Variants in TGFBR2 observed in about 807,000 individuals in gnomAD.
The protein encoded by TGFBR2 is transforming growth factor beta receptor 2.
TGFBR2 carries 18 observed loss-of-function variants against 49.0 expected under a neutral mutation model. The ratio of observed to expected loss-of-function variants is 0.37; its 90% CI spans 0.25 to 0.54. The LOEUF is 0.54. Ranked by LOEUF, TGFBR2 falls within the 20% of genes least tolerant of loss-of-function variation. The pLI, the probability that TGFBR2 is intolerant of heterozygous loss-of-function variation, is 0.85. For synonymous variants in TGFBR2, 282 were observed against 275.9 expected, an observed-to-expected ratio of 1.02 and a Z score of -0.22; for missense variants, 525 against 722.6, an observed-to-expected ratio of 0.73 and a Z score of 3.13.
At chr3:30,654,860 T>C (rs1253585407) in intron 3 of TGFBR2, among the ~76,000 whole-genome samples, 2 of 152,250 alleles carry the variant, frequency 1.3e-5, no homozygotes, top group Non-Finnish European at 2.9e-5. Context: ...CTCAGTTTTA[T>C]TCATTTCATA....
chr3:30,629,495 ACCCTC>A (rs1698397561), intron 1 of TGFBR2, among the ~76,000 whole-genome samples: 1 of 152,054 alleles, frequency 6.6e-6, no homozygotes, highest in African/African-American at 2.4e-5. Flanking sequence ...AACTGTTTAT[ACCCTC>A]CATACCTGGC....
At chr3:30,617,290 T>C (rs542648163) in intron 1 of TGFBR2, among the ~76,000 whole-genome samples, 2 of 152,328 alleles carry the variant, frequency 1.3e-5, no homozygotes, top group Admixed American at 6.5e-5. Flanking sequence ...TAGCGTAGAC[T>C]AGGAATCTTT....
At chr3:30,648,523 G>T (rs1163264225) in intron 2 of TGFBR2, among the ~76,000 whole-genome samples, 1 of 151,550 alleles carries the variant, frequency 6.6e-6, no homozygotes, top group African/African-American at 2.4e-5. Context: ...TTTGAAGACT[G>T]CCAAGTAGCT....
At chr3:30,626,159 G>A (rs1338351026) in intron 1 of TGFBR2, among the ~76,000 whole-genome samples, 2 of 152,158 alleles carry the variant, frequency 1.3e-5, no homozygotes, top group Non-Finnish European at 2.9e-5. Flanking sequence ...AACCCAGTGA[G>A]GTTACAAATG....
intron 3 of TGFBR2, among the ~76,000 whole-genome samples, chr3:30,667,323 C>T (rs1024607545): frequency 6.6e-6 from 1 of 152,192 alleles, no homozygotes; most frequent in Non-Finnish European, 1.5e-5. Context: ...CCTACACCAA[C>T]AGCTGTTGGG....
At chr3:30,658,118 G>A (rs1392796181) in intron 3 of TGFBR2, among the ~76,000 whole-genome samples, 3 of 152,214 alleles carry the variant, frequency 2.0e-5, no homozygotes, top group East Asian at 1.9e-4. Flanking sequence ...GTGATTGGAC[G>A]TGGCTGTGTT....
chr3:30,637,802 C>T (rs1698565580), intron 1 of TGFBR2, among the ~76,000 whole-genome samples: 1 of 152,104 alleles, frequency 6.6e-6, no homozygotes, highest in Non-Finnish European at 1.5e-5. Flanking sequence ...ACCTGTTTGT[C>T]CTTACAAACA....
At chr3:30,679,183 A>T (rs889743483) in intron 5 of TGFBR2, among the ~76,000 whole-genome samples, 1 of 152,182 alleles carries the variant, frequency 6.6e-6, no homozygotes, top group African/African-American at 2.4e-5. Context: ...TTCAGTTGTG[A>T]TAAATGCTTA....
chr3:30,665,596 C>A (rs1249916095), intron 3 of TGFBR2, among the ~76,000 whole-genome samples: 1 of 152,196 alleles, frequency 6.6e-6, no homozygotes, highest in Non-Finnish European at 1.5e-5. Context: ...CCGACAGCAT[C>A]CACAGTTGTC....
At chr3:30,615,278 TGGTATAGGTCC>T (rs1327374124) in intron 1 of TGFBR2, among the ~76,000 whole-genome samples, 3,340 of 152,284 alleles carry the variant, frequency 0.022, 131 homozygotes, top group African/African-American at 0.076. Context: ...ACCTATACCC[TGGTATAGGTCC>T]ATCTCCTGGC....
intron 1 of TGFBR2, among the ~76,000 whole-genome samples, chr3:30,632,356 A>C (rs1412215099): frequency 1.3e-5 from 2 of 152,208 alleles, no homozygotes; most frequent in Non-Finnish European, 2.9e-5. Flanking sequence ...CTGGATTCTC[A>C]AGTTACTGCC....
chr3:30,606,983 T>G lies in TGFBR2; in HGVS notation c.94+6T>G, dbSNP rs1269699495. 6.9e-6 allele frequency: 11 copies of G among 1,586,932 alleles called. No individual in the cohort carries two copies. The highest frequency in any genetic ancestry group is 9.4e-6 in the Non-Finnish European group (11 of 1,166,660). On this transcript the variant is annotated splice_donor_region_variant and intron_variant, in intron 1 of 6. Transcript: ENST00000295754. The stretch of plus-strand genomic sequence containing the variant: ...ACCGCACGTTCAGAAGTCGGGTGAG[T>G]GGTCCCCAGCCCGGGCTCGGCGGGG...
At chr3:30,673,989 C>CGTG in intron 4 of TGFBR2, 116 bp from the exon 5 acceptor site, 1 of 1,244,246 alleles carries the variant, frequency 8.0e-7, no homozygotes, top group East Asian at 2.4e-5. Flanking sequence ...TAAAACAGCA[C>CGTG]TTTGATTTTT....
At chr3:30,630,486 G>A (rs529048523) in intron 1 of TGFBR2, among the ~76,000 whole-genome samples, 1 of 152,270 alleles carries the variant, frequency 6.6e-6, no homozygotes, top group East Asian at 1.9e-4. Context: ...GAACTATGTT[G>A]GAAGATTGCA....
At chr3:30,677,440 C>T (rs1699460822) in intron 5 of TGFBR2, among the ~76,000 whole-genome samples, 1 of 152,194 alleles carries the variant, frequency 6.6e-6, no homozygotes, top group Non-Finnish European at 1.5e-5. Context: ...TTTCTCCCAT[C>T]TTTGCTCGGG....
rs376863294 is a variant in TGFBR2 at position 30,690,376 on chromosome 3, C to T, written c.1525-1044C>T. Among the ~76,000 whole-genome samples the T allele has an allele frequency of 1.6e-3, 237 of 152,342 alleles. 1 individual carries two copies. The highest frequency in any genetic ancestry group is 3.5e-3 in the South Asian group (17 of 4,830). ...CTGGGCAGGATCTCCTGGATGGTCT[C>T]CTTGGATGGGAGCTTGATTCGGTTA... On this transcript the variant is annotated intron_variant, in intron 6 of 6. Coordinates refer to ENST00000295754, the MANE Select transcript of TGFBR2 (RefSeq NM_003242.6).
chr3:30,629,362 G>A (rs1479370870), intron 1 of TGFBR2, among the ~76,000 whole-genome samples: 1 of 152,146 alleles, frequency 6.6e-6, no homozygotes. Context: ...CTTGGCTCTG[G>A]CCCTCCACTT....
intron 1 of TGFBR2, among the ~76,000 whole-genome samples, chr3:30,610,182 G>T (rs1433358242): frequency 6.6e-6 from 1 of 152,142 alleles, no homozygotes; most frequent in Non-Finnish European, 1.5e-5. Flanking sequence ...AGATGAATAA[G>T]ACAGACCTGG....
chr3:30,683,959 A>G (rs1306259315), intron 5 of TGFBR2, among the ~76,000 whole-genome samples: 1 of 152,192 alleles, frequency 6.6e-6, no homozygotes, highest in Non-Finnish European at 1.5e-5. Flanking sequence ...GGTTCAGGCT[A>G]TCTCTGGCCA....
Sources: gnomAD v4.1 joint callset for allele counts (sites outside exome capture counted in the v4.1 genomes callset) on GRCh38, gnomAD v4.1.1 for gene constraint, MANE v1.5 for transcripts, NCBI Gene and HGNC (gene_info 2026-07-23, HGNC 2026-07-21) for gene names.